The following ATP8B1 variants were observed in gnomAD, a reference collection of about 807,000 sequenced individuals.
ATP8B1 encodes the protein phospholipid-transporting ATPase IC.
A neutral mutation model predicts 149.9 loss-of-function variants in ATP8B1; 80 were observed. That is an observed-to-expected ratio of 0.53 (90% CI 0.45 to 0.64). The LOEUF is 0.64. ATP8B1 is among the 30% of genes least tolerant of loss of function. The pLI is 0.00. For synonymous variants in ATP8B1, 536 were observed against 562.8 expected (o/e 0.95, Z 0.67); for missense variants, 1,247 against 1,552.6 (o/e 0.80, Z 3.31).
chr18:57,797,421 G>A (rs935640778), intron 1 of ATP8B1, among the ~76,000 whole-genome samples: 5 of 152,176 alleles, frequency 3.3e-5, no homozygotes, highest in Admixed American at 6.5e-5. Context: ...GGTGGCCTTC[G>A]CCACTGAAAG....
chr18:57,799,555 A>G (rs1379328212), intron 1 of ATP8B1, among the ~76,000 whole-genome samples: 1 of 152,110 alleles, frequency 6.6e-6, no homozygotes, highest in African/African-American at 2.4e-5. Flanking sequence ...CTAAAAATAC[A>G]AAAATTAGCT....
intron 20 of ATP8B1, among the ~76,000 whole-genome samples, chr18:57,664,739 C>T (rs1910750925): frequency 6.6e-6 from 1 of 152,028 alleles, no homozygotes. Flanking sequence ...TGGAAGGGAC[C>T]TTAAATATCT....
At chr18:57,655,509 A>C in intron 22 of ATP8B1, 92 bp from the exon 23 acceptor site, 1 of 1,105,924 alleles carries the variant, frequency 9.0e-7, no homozygotes, top group Non-Finnish European at 1.4e-6. Flanking sequence ...CAAACAAAAA[A>C]CAAAGACAGA....
At chr18:57,690,316 G>A (rs538558981) in intron 12 of ATP8B1, among the ~76,000 whole-genome samples, 3 of 152,312 alleles carry the variant, frequency 2.0e-5, no homozygotes, top group African/African-American at 4.8e-5. Flanking sequence ...AGGTACGGGC[G>A]GAGTGGAAGG....
At chr18:57,700,285 A>G (rs1350793511) in intron 6 of ATP8B1, among the ~76,000 whole-genome samples, 7 of 152,152 alleles carry the variant, frequency 4.6e-5, no homozygotes, top group Non-Finnish European at 8.8e-5. Context: ...TAAATTCATT[A>G]GGGGAACTGG....
At chr18:57,672,521 C>T (rs1568188905) in intron 16 of ATP8B1, among the ~76,000 whole-genome samples, 1 of 152,070 alleles carries the variant, frequency 6.6e-6, no homozygotes, top group African/African-American at 2.4e-5. Context: ...GTAGATACCA[C>T]CTTAACCAAG....
At chr18:57,667,903 C>G in intron 19 of ATP8B1, 2 of 305,622 alleles carry the variant, frequency 6.5e-6, no homozygotes, top group Non-Finnish European at 1.2e-5. Context: ...GCGCAAGAGA[C>G]ATTATTTGAT....
chr18:57,739,385 T>C (rs1217124759), intron 1 of ATP8B1, among the ~76,000 whole-genome samples: 1 of 152,180 alleles, frequency 6.6e-6, no homozygotes, highest in Non-Finnish European at 1.5e-5. Context: ...CTGCTACCAC[T>C]GGCCCCCTTG....
intron 1 of ATP8B1, among the ~76,000 whole-genome samples, chr18:57,738,415 A>G (rs945792270): frequency 1.3e-5 from 2 of 152,196 alleles, no homozygotes; most frequent in Non-Finnish European, 2.9e-5. Context: ...ACTGAGGTCA[A>G]GAGTTCAAGA....
chr18:57,752,146 G>T (rs2080027299), intron 1 of ATP8B1, among the ~76,000 whole-genome samples: 1 of 151,678 alleles, frequency 6.6e-6, no homozygotes, highest in Non-Finnish European at 1.5e-5. Context: ...AGCAGAGGTT[G>T]CAGTGAGCCA....
chr18:57,779,580 T>C (rs998054025), intron 1 of ATP8B1, among the ~76,000 whole-genome samples: 2 of 152,248 alleles, frequency 1.3e-5, no homozygotes, highest in African/African-American at 4.8e-5. Flanking sequence ...TTTAGTATAA[T>C]TATCCATTCT....
At chr18:57,669,161 G>T in intron 18 of ATP8B1, 157 bp downstream of exon 18, 1 of 720,216 alleles carries the variant, frequency 1.4e-6, no homozygotes, top group Non-Finnish European at 2.1e-6. Flanking sequence ...CTCCTATTTT[G>T]GTGAATAAAA....
chr18:57,789,445 A>T (rs1401538129), intron 1 of ATP8B1, among the ~76,000 whole-genome samples: 1 of 152,332 alleles, frequency 6.6e-6, no homozygotes, highest in African/African-American at 2.4e-5. Context: ...ACACCACGGG[A>T]CTAAGTGGGT....
At chr18:57,758,846 T>C (rs1195525612) in intron 1 of ATP8B1, among the ~76,000 whole-genome samples, 2 of 151,954 alleles carry the variant, frequency 1.3e-5, no homozygotes, top group African/African-American at 4.8e-5. Context: ...GTATAAATCA[T>C]TTTCCTGGAA....
At chr18:57,713,323 G>A (rs1913828505) in intron 2 of ATP8B1, among the ~76,000 whole-genome samples, 1 of 140,514 alleles carries the variant, frequency 7.1e-6, no homozygotes, top group African/African-American at 2.7e-5. Flanking sequence ...CAGAGATAGA[G>A]TCTTGCTATT....
intron 12 of ATP8B1, among the ~76,000 whole-genome samples, chr18:57,691,448 G>A (rs1335952198): frequency 6.6e-6 from 1 of 152,136 alleles, no homozygotes; most frequent in Admixed American, 6.5e-5. Flanking sequence ...GGAAAACTAA[G>A]TTTTTCCATC....
rs563499038 is a variant in ATP8B1 at position 57,689,690 on chromosome 18, A to G, written c.1221-1183T>C. Among the ~76,000 whole-genome samples, 200 of 152,286 alleles carry G rather than the reference A, an allele frequency of 1.3e-3. 1 individual carries two copies. Among genetic ancestry groups the G allele is most frequent in the Middle Eastern group, 3.4e-3 (1 of 294 alleles). On this transcript the variant is annotated intron_variant, in intron 12 of 27. Transcript: ENST00000648908. ...GACAGACAAATAAATTAATAAAGAG[A>G]GGCTCTATCAGAGGTGAAAGTTCTC...
intron 1 of ATP8B1, among the ~76,000 whole-genome samples, chr18:57,776,588 A>G (rs900173639): frequency 6.6e-6 from 1 of 152,000 alleles, no homozygotes; most frequent in African/African-American, 2.4e-5. Context: ...ATAAAACAGC[A>G]AGCCCTTTTC....
At chr18:57,745,214 A>G (rs976010770) in intron 1 of ATP8B1, among the ~76,000 whole-genome samples, 2 of 152,128 alleles carry the variant, frequency 1.3e-5, no homozygotes, top group African/African-American at 4.8e-5. Context: ...TGAAGCAATC[A>G]CCTCATTTAC....
Sources: gnomAD v4.1 joint callset for allele counts (sites outside exome capture counted in the v4.1 genomes callset) on GRCh38, gnomAD v4.1.1 for gene constraint, MANE v1.5 for transcripts, NCBI Gene and HGNC (gene_info 2026-07-23, HGNC 2026-07-21) for gene names.